Variants in PACRG observed in about 807,000 individuals in gnomAD.
PACRG encodes parkin coregulated gene protein.
A neutral mutation model predicts 29.7 loss-of-function variants in PACRG; 29 were observed. The ratio of observed to expected loss-of-function variants is 0.98; its 90% CI spans 0.73 to 1.33. PACRG has a LOEUF of 1.33. Among genes scored for constraint, PACRG ranks in the 40% most tolerant of loss-of-function variants. The pLI is 0.00. For synonymous variants in PACRG, 116 were observed against 118.7 expected, an observed-to-expected ratio of 0.98 and a Z score of 0.15; for missense variants, 279 against 316.2, an observed-to-expected ratio of 0.88 and a Z score of 0.89.
chr6:163,068,581 TTC>T (rs1414327775), intron 3 of PACRG, among the ~76,000 whole-genome samples: 2 of 152,210 alleles, frequency 1.3e-5, no homozygotes, highest in East Asian at 3.9e-4. Context: ...TAACAGTATC[TTC>T]TCTCTGTTTT....
intron 1 of PACRG, among the ~76,000 whole-genome samples, chr6:162,732,844 T>C (rs1252785731): frequency 2.6e-5 from 4 of 152,290 alleles, no homozygotes; most frequent in African/African-American, 4.8e-5. Flanking sequence ...CCAATTCTTA[T>C]AGAAAAAAAG....
intron 2 of PACRG, among the ~76,000 whole-genome samples, chr6:162,993,013 A>T (rs1354266619): frequency 1.4e-5 from 2 of 148,110 alleles, no homozygotes; most frequent in African/African-American, 5.0e-5. Flanking sequence ...GTAGTCATTC[A>T]GGAGCAGGTT....
At chr6:162,852,632 C>CA (rs1253535692) in intron 2 of PACRG, among the ~76,000 whole-genome samples, 1 of 152,128 alleles carries the variant, frequency 6.6e-6, no homozygotes, top group Non-Finnish European at 1.5e-5. Flanking sequence ...TCAATTGGTC[C>CA]ATACATGTGG....
chr6:162,983,876 T>G (rs1305317769), intron 2 of PACRG, among the ~76,000 whole-genome samples: 1 of 152,054 alleles, frequency 6.6e-6, no homozygotes, highest in Non-Finnish European at 1.5e-5. Context: ...AAGGAAGGTT[T>G]TCTTAATTGT....
At chr6:163,202,417 G>A (rs953775687) in intron 4 of PACRG, among the ~76,000 whole-genome samples, 1 of 152,064 alleles carries the variant, frequency 6.6e-6, no homozygotes, top group African/African-American at 2.4e-5. Flanking sequence ...GTGCATATAT[G>A]TGTATATATG....
chr6:162,959,733 G>A (rs971030751), intron 2 of PACRG, among the ~76,000 whole-genome samples: 17 of 152,162 alleles, frequency 1.1e-4, no homozygotes, highest in African/African-American at 4.1e-4. Context: ...TCATCCAGGA[G>A]AGAGATGGTT....
At chr6:162,760,156 A>C (rs1419010100) in intron 1 of PACRG, among the ~76,000 whole-genome samples, 1 of 152,070 alleles carries the variant, frequency 6.6e-6, no homozygotes, top group Non-Finnish European at 1.5e-5. Context: ...GCGGTGTATG[A>C]CTCCCAGGTG....
At chr6:163,034,197 C>G (rs1807944617) in intron 2 of PACRG, among the ~76,000 whole-genome samples, 2 of 151,930 alleles carry the variant, frequency 1.3e-5, no homozygotes, top group Admixed American at 6.6e-5. Flanking sequence ...TTGTCAGTAG[C>G]AAAGGGATCT....
At chr6:163,142,801 CT>C (rs1383540544) in intron 4 of PACRG, among the ~76,000 whole-genome samples, 1 of 152,158 alleles carries the variant, frequency 6.6e-6, no homozygotes, top group East Asian at 1.9e-4. Context: ...GTGATATTCT[CT>C]CCATAAAACA....
intron 2 of PACRG, among the ~76,000 whole-genome samples, chr6:162,875,192 C>T (rs1052597802): frequency 1.3e-5 from 2 of 151,782 alleles, no homozygotes; most frequent in African/African-American, 4.8e-5. Context: ...CATTCACACA[C>T]ACATCCACGC....
upstream of PACRG, chr6:162,727,364 G>T: frequency 2.1e-6 from 1 of 472,158 alleles, no homozygotes; most frequent in Non-Finnish European, 3.7e-6. Context: ...ACACGGTCCG[G>T]GGGACCGCGA....
chr6:163,079,565 C>T (rs1188065547), intron 3 of PACRG, among the ~76,000 whole-genome samples: 1 of 152,106 alleles, frequency 6.6e-6, no homozygotes, highest in African/African-American at 2.4e-5. Flanking sequence ...ATGAGGTTAG[C>T]TTGGCTGGCC....
chr6:162,945,883 G>A (rs1402047240), intron 2 of PACRG, among the ~76,000 whole-genome samples: 1 of 151,994 alleles, frequency 6.6e-6, no homozygotes, highest in Admixed American at 6.5e-5. Flanking sequence ...CAAACACATG[G>A]AAATTAAACA....
intron 4 of PACRG, among the ~76,000 whole-genome samples, chr6:163,147,079 C>A (rs2128336729): frequency 6.6e-6 from 1 of 152,316 alleles, no homozygotes; most frequent in East Asian, 1.9e-4. Context: ...TCAGCCTCAA[C>A]TCCTGTGATA....
chr6:162,800,063 A>G (rs1434724557), intron 1 of PACRG, among the ~76,000 whole-genome samples: 2 of 152,160 alleles, frequency 1.3e-5, no homozygotes, highest in Admixed American at 6.5e-5. Flanking sequence ...CAGGCCTTTT[A>G]TCAGTTCTAC....
chr6:162,778,246 C>T (rs946496132), intron 1 of PACRG, among the ~76,000 whole-genome samples: 5 of 152,264 alleles, frequency 3.3e-5, no homozygotes, highest in Non-Finnish European at 5.9e-5. Flanking sequence ...AGTGGAGCAG[C>T]TTCTGCCCCA....
intron 2 of PACRG, among the ~76,000 whole-genome samples, chr6:163,052,929 A>G (rs1810173512): frequency 6.6e-6 from 1 of 152,168 alleles, no homozygotes; most frequent in Non-Finnish European, 1.5e-5. Context: ...AATTTTAAAG[A>G]TATATTTTAT....
chr6:162,762,065 A>C (rs143479098), intron 1 of PACRG, among the ~76,000 whole-genome samples: 1 of 151,516 alleles, frequency 6.6e-6, no homozygotes, highest in African/African-American at 2.4e-5. Flanking sequence ...GTGGGCAGGG[A>C]GCTCTGCTGT....
chr6:162,777,161 C>T lies in PACRG; in HGVS notation c.157-36986C>T, dbSNP rs924485903. Among the ~76,000 whole-genome samples, 3 of 152,228 alleles carry T rather than the reference C, an allele frequency of 2.0e-5. No individual in the cohort carries two copies. The highest frequency in any genetic ancestry group is 4.4e-5 in the Non-Finnish European group (3 of 68,034). On this transcript the variant is annotated intron_variant, in intron 1 of 4. Transcript: ENST00000366888. This position sits in a 1 kb window ranked among gnomAD's most constrained non-coding sequence, Gnocchi z 4.0. ...GTGAATGTTCTGTCGCACACTTGCA[C>T]AAACCCTGATCTCTCTTCAGGGGCC...
Sources: gnomAD v4.1 joint callset for allele counts (sites outside exome capture counted in the v4.1 genomes callset) on GRCh38, gnomAD v4.1.1 for gene constraint, Gnocchi (gnomAD v3.1) non-coding constraint, MANE v1.5 for transcripts, NCBI Gene and HGNC (gene_info 2026-07-23, HGNC 2026-07-21) for gene names.